TYRP1: variants seen among roughly 807,000 people sequenced by gnomAD.
TYRP1 encodes tyrosinase related protein 1.
In TYRP1, 49 loss-of-function variants were observed where a neutral mutation model predicts 42.8. That is an observed-to-expected ratio of 1.14 (90% CI 0.91 to 1.45). TYRP1 has a LOEUF of 1.45. TYRP1 is among the 40% of genes most tolerant of loss of function. The pLI, the probability that TYRP1 is intolerant of heterozygous loss-of-function variation, is 0.00. For synonymous variants in TYRP1, 279 were observed against 235.4 expected (o/e 1.19, Z -1.69); for missense variants, 848 against 662.0 (o/e 1.28, Z -3.08).
At chr9:12,707,367 A>G (rs1384041915) in intron 6 of TYRP1, among the ~76,000 whole-genome samples, 3 of 151,966 alleles carry the variant, frequency 2.0e-5, no homozygotes, top group East Asian at 3.9e-4. Flanking sequence ...TCACCAACAA[A>G]TTTTCTTCCT....
chr9:12,707,945 G>C (rs1818285506), intron 6 of TYRP1, 52 bp from the exon 7 acceptor site: 1 of 1,527,038 alleles, frequency 6.5e-7, no homozygotes, highest in African/African-American at 1.4e-5. Context: ...AATAATGATA[G>C]GAATATTAAT....
At chr9:12,704,418 G>T in intron 5 of TYRP1, 108 bp from the exon 6 acceptor site, 3 of 1,245,090 alleles carry the variant, frequency 2.4e-6, no homozygotes, top group South Asian at 2.6e-5. Context: ...GCAAAAATTG[G>T]CCTGACGAGC....
chr9:12,709,000 A>ATAAT lies in TYRP1; in HGVS notation c.1434_1437dup (p.Ala480AsnfsTer31). On this transcript the variant is annotated frameshift_variant, in exon 8 of 8. Transcript: ENST00000388918. LOFTEE classifies it high-confidence loss of function. ...AGGTCGGGAGTTTAGTGTACCTGAG[A>ATAAT]TAATTGCCATAGCAGTAGTTGGCGC... 1.9e-6 allele frequency: 3 copies of ATAAT among 1,612,506 alleles called. No individual in the cohort carries two copies. Among genetic ancestry groups the ATAAT allele is most frequent in the Non-Finnish European group, 2.5e-6 (3 of 1,179,096 alleles).
intron 7 of TYRP1, 88 bp downstream of exon 7, chr9:12,708,231 C>G: frequency 1.3e-6 from 2 of 1,491,132 alleles, no homozygotes; most frequent in Non-Finnish European, 9.3e-7. Context: ...TATTCTGAAG[C>G]TATGTTTTCC....
Position 12,694,275 on chromosome 9 carries a change from C to T in TYRP1, c.279C>T (p.Arg93=). Residue 93 remains arginine (R), a synonymous_variant, in exon 2 of 8, where the codon CGC becomes CGT. Coordinates refer to ENST00000388918, the MANE Select transcript of TYRP1 (RefSeq NM_000550.3). ...GRDDREVWPL[R]FFNRTCHCNG... ...ATGATCGGGAGGTCTGGCCCTTGCG[C>T]TTCTTCAATAGGACATGTCACTGCA... 6.2e-7 allele frequency: 1 copy of T among 1,613,874 alleles called. No homozygotes were observed. The highest frequency in any genetic ancestry group is 8.5e-7 in the Non-Finnish European group (1 of 1,179,958).
At chr9:12,706,515 C>T (rs1285045516) in intron 6 of TYRP1, among the ~76,000 whole-genome samples, 9 of 151,884 alleles carry the variant, frequency 5.9e-5, no homozygotes, top group Non-Finnish European at 1.3e-4. Flanking sequence ...ATATGTGTAG[C>T]ATAAGGTTTC....
intron 6 of TYRP1, among the ~76,000 whole-genome samples, chr9:12,705,724 G>A (rs1818247189): frequency 6.6e-6 from 1 of 151,968 alleles, no homozygotes; most frequent in South Asian, 2.1e-4. Flanking sequence ...ATGGGCACCT[G>A]TAATCCCACC....
chr9:12,697,184 A>T (rs1331574951), intron 3 of TYRP1, among the ~76,000 whole-genome samples: 4 of 152,184 alleles, frequency 2.6e-5, no homozygotes, highest in Non-Finnish European at 4.4e-5. Context: ...TCATGGGCAC[A>T]CCAAAATGAA....
At chr9:12,707,484 A>C (rs550465906) in intron 6 of TYRP1, among the ~76,000 whole-genome samples, 26 of 151,984 alleles carry the variant, frequency 1.7e-4, no homozygotes, top group Admixed American at 2.6e-4. Context: ...AGGAAATAGG[A>C]TAGGCAGTAC....
chr9:12,696,295 A>G (rs1371304380), intron 3 of TYRP1, among the ~76,000 whole-genome samples: 1 of 152,166 alleles, frequency 6.6e-6, no homozygotes, highest in African/African-American at 2.4e-5. Flanking sequence ...AACATGGTAT[A>G]GGGTTTAAAT....
intron 3 of TYRP1, among the ~76,000 whole-genome samples, chr9:12,697,156 T>G (rs1384243949): frequency 6.6e-6 from 1 of 152,202 alleles, no homozygotes; most frequent in African/African-American, 2.4e-5. Flanking sequence ...CAGATCTTCA[T>G]GCCTTCAAGT....
chr9:12,707,372 C>A (rs1314829816), intron 6 of TYRP1, among the ~76,000 whole-genome samples: 1 of 151,956 alleles, frequency 6.6e-6, no homozygotes, highest in Admixed American at 6.6e-5. Context: ...AACAAATTTT[C>A]TTCCTGAAAC....
At chr9:12,702,742 G>A (rs1331375626) in intron 5 of TYRP1, among the ~76,000 whole-genome samples, 1 of 151,430 alleles carries the variant, frequency 6.6e-6, no homozygotes, top group African/African-American at 2.4e-5. Context: ...ACTATATCAA[G>A]GTCTCTAGCA....
chr9:12,707,961 T>TATG (rs779115320), intron 6 of TYRP1, 36 bp from the exon 7 acceptor site: 1 of 1,571,310 alleles, frequency 6.4e-7, no homozygotes, highest in South Asian at 1.2e-5. Context: ...TTAATTTTAT[T>TATG]ATGTTTATTA....
rs760736456 is a variant in TYRP1, at chr9:12,694,377, C to T, written c.381C>T (p.Leu127=). The T allele has an allele frequency of 1.2e-6, 2 of 1,613,862 alleles. No homozygotes were observed. Among genetic ancestry groups the T allele is most frequent in the South Asian group, 2.2e-5 (2 of 90,986 alleles). The change falls in exon 2 of 8, where the codon CTC becomes CTT. Residue 127 remains leucine, a synonymous_variant. Transcript: ENST00000388918. The part of the protein sequence containing the change: ...WRGAACDQRV[L]IVRRNLLDLS... ...GAGCTGCCTGTGACCAGAGGGTTCT[C>T]ATAGGTAAGTGGAGATATGAATGAG...
intron 2 of TYRP1, among the ~76,000 whole-genome samples, chr9:12,695,027 G>T (rs1563851946): frequency 6.6e-6 from 1 of 151,944 alleles, no homozygotes; most frequent in Non-Finnish European, 1.5e-5. Flanking sequence ...TATGTGTGTG[G>T]TCTTTGAACT....
intron 3 of TYRP1, among the ~76,000 whole-genome samples, chr9:12,696,058 C>T (rs1300380377): frequency 6.6e-6 from 1 of 152,112 alleles, no homozygotes; most frequent in Non-Finnish European, 1.5e-5. Flanking sequence ...CAATAATGAG[C>T]AAAATGAGAC....
chr9:12,706,458 G>T (rs1213460450), intron 6 of TYRP1, among the ~76,000 whole-genome samples: 3 of 151,996 alleles, frequency 2.0e-5, no homozygotes, highest in African/African-American at 7.2e-5. Context: ...TGATGAACCA[G>T]AAAAATACCT....
In TYRP1 at chr9:12,698,577, C is replaced by T. The variant is rs1258816624; in HGVS notation, c.835C>T (p.Pro279Ser). Residue 279 changes from proline to serine, a missense_variant, in exon 4 of 8, where the codon CCA (proline) becomes TCA (serine). Transcript: ENST00000388918. ...RSNFDSTLIS[P>S]NSVFSQWRVV... is the part of the protein sequence containing the mutation. Reference sequence around the variant, plus strand: ...CAACTTTGATTCCACTCTAATAAGCCCAAACTCTGTCTTTTCTCAATGGCG... The same window carrying T: ...CAACTTTGATTCCACTCTAATAAGCTCAAACTCTGTCTTTTCTCAATGGCG... 6.2e-7 allele frequency: 1 copy of T among 1,613,744 alleles called. No homozygotes were observed. The highest frequency in any genetic ancestry group is 8.5e-7 in the Non-Finnish European group (1 of 1,179,808).
Sources: gnomAD v4.1 joint callset for allele counts (sites outside exome capture counted in the v4.1 genomes callset) on GRCh38, gnomAD v4.1.1 for gene constraint, MANE v1.5 for transcripts, NCBI Gene and HGNC (gene_info 2026-07-23, HGNC 2026-07-21) for gene names.